Variants in FAM20A observed in about 807,000 individuals in gnomAD.
FAM20A encodes FAM20A golgi associated secretory pathway pseudokinase, also known as pseudokinase FAM20A.
A neutral mutation model predicts 52.0 loss-of-function variants in FAM20A; 42 were observed. The ratio of observed to expected loss-of-function variants is 0.81; its 90% CI spans 0.63 to 1.04. The LOEUF (loss-of-function observed/expected upper bound fraction) is 1.04. Among genes scored for constraint, FAM20A ranks in the 50% least tolerant of loss-of-function variants. The probability of loss-of-function intolerance (pLI) is 0.00; values close to 1 mark genes in which losing one functional copy is unlikely to be tolerated. For synonymous variants in FAM20A, 304 were observed against 298.9 expected (o/e 1.02, Z -0.18); for missense variants, 742 against 712.7 (o/e 1.04, Z -0.47).
chr17:68,596,057 C>G (rs916465229), intron 1 of FAM20A, among the ~76,000 whole-genome samples: 1 of 152,186 alleles, frequency 6.6e-6, no homozygotes, highest in Admixed American at 6.5e-5. Context: ...CCAACTTACT[C>G]CCTTTGACCA....
rs1280135042 is a variant in FAM20A, at chr17:68,537,733, T to C, written c.1370A>G (p.Lys457Arg). The change falls in exon 11 of 11, where the codon AAG becomes AGG. Residue 457 changes from lysine (K) to arginine (R), a missense_variant. By Grantham distance (26) the Lys-to-Arg change is conservative. Coordinates refer to ENST00000592554, the MANE Select transcript of FAM20A (RefSeq NM_017565.4). This position sits in a 1 kb window ranked among gnomAD's most constrained non-coding sequence, Gnocchi z 4.2. Reference sequence around the variant, plus strand: ...CAGCTGCAGGTGCAAAAGTGTTTTCTTTTTTATCCTGAAAAGACAAAGTTA... The same window carrying C: ...CAGCTGCAGGTGCAAAAGTGTTTTCCTTTTTATCCTGAAAAGACAAAGTTA... The part of the protein sequence containing the change: ...SPLSQCCMIK[K>R]KTLLHLQLLA... The C allele has an allele frequency of 1.9e-6, 3 of 1,610,992 alleles. No individual in the cohort carries two copies. The highest frequency in any genetic ancestry group is 1.7e-4 in the Middle Eastern group (1 of 6,058).
intron 7 of FAM20A, chr17:68,541,769 C>T (rs962801264): frequency 1.9e-6 from 1 of 534,278 alleles, no homozygotes. Flanking sequence ...CCCATAACAC[C>T]TAGTGTTGGG....
At chr17:68,548,529 CA>C (rs985971024) in intron 4 of FAM20A, among the ~76,000 whole-genome samples, 55 of 140,348 alleles carry the variant, frequency 3.9e-4, no homozygotes, top group African/African-American at 7.1e-4. Context: ...GACTCTGTCT[CA>C]AAAAAAAAAA....
At chr17:68,574,508 C>T (rs906969723) in intron 1 of FAM20A, among the ~76,000 whole-genome samples, 9 of 152,196 alleles carry the variant, frequency 5.9e-5, no homozygotes, top group African/African-American at 2.2e-4. Context: ...CTTAAGGACC[C>T]CACTTCTCAA....
chr17:68,583,131 A>G (rs1598072249), intron 1 of FAM20A, among the ~76,000 whole-genome samples: 1 of 152,098 alleles, frequency 6.6e-6, no homozygotes, highest in East Asian at 1.9e-4. Context: ...TCTCTTAACC[A>G]TTCATTTACC....
chr17:68,545,718 A>G (rs1405414767), intron 4 of FAM20A, among the ~76,000 whole-genome samples: 2 of 152,240 alleles, frequency 1.3e-5, no homozygotes, highest in African/African-American at 4.8e-5. Flanking sequence ...ACTTCTGTCA[A>G]AATTGAAGTC....
In FAM20A at chr17:68,600,361, G is replaced by T. The variant is rs1430326707; in HGVS notation, c.306C>A (p.Asn102Lys). 9.4e-6 allele frequency: 15 copies of T among 1,602,680 alleles called. No homozygotes were observed. Among genetic ancestry groups the T allele is most frequent in the Non-Finnish European group, 1.3e-5 (15 of 1,175,812 alleles). The change falls in exon 1 of 11, where the codon AAC becomes AAA. Residue 102 changes from asparagine to lysine, a missense_variant. Asn to Lys is a moderately conservative substitution (Grantham distance 94, BLOSUM62 0). Coordinates refer to ENST00000592554, the MANE Select transcript of FAM20A (RefSeq NM_017565.4). The surrounding 1 kb of genome is among the most constrained non-coding windows in gnomAD (Gnocchi z 6.2). ...LQALFAHPLY[N>K]VPEEPPLLGA... ...CCAGGAGAGGCGGCTCCTCCGGGACGTTGTACAGCGGGTGGGCGAAGAGGG... is the reference window on the plus strand; with the variant it reads ...CCAGGAGAGGCGGCTCCTCCGGGACTTTGTACAGCGGGTGGGCGAAGAGGG...
intron 1 of FAM20A, chr17:68,575,025 G>C (rs991225730): frequency 6.6e-6 from 1 of 152,086 alleles, no homozygotes; most frequent in Non-Finnish European, 1.5e-5. Context: ...GTGGCCACTA[G>C]TCGATAGGTA....
intron 8 of FAM20A, among the ~76,000 whole-genome samples, chr17:68,540,213 C>T (rs1248263965): frequency 2.0e-5 from 3 of 152,202 alleles, no homozygotes; most frequent in Admixed American, 6.5e-5. Flanking sequence ...CTGCCCCTGC[C>T]CCTACTCCAG....
At chr17:68,540,585 C>G (rs2086241730) in intron 8 of FAM20A, 1 of 565,392 alleles carries the variant, frequency 1.8e-6, no homozygotes, top group Non-Finnish European at 3.3e-6. Flanking sequence ...CATACAGCTT[C>G]CAATCTGACG....
At chr17:68,543,084 A>G (rs1226046806) in intron 5 of FAM20A, among the ~76,000 whole-genome samples, 1 of 152,160 alleles carries the variant, frequency 6.6e-6, no homozygotes, top group Non-Finnish European at 1.5e-5. Flanking sequence ...GTTCTTGGTC[A>G]GTGCTTCTCA....
At chr17:68,582,005 T>TGTGGGTGAAGTGGTCA (rs2088018900) in intron 1 of FAM20A, among the ~76,000 whole-genome samples, 1 of 152,174 alleles carries the variant, frequency 6.6e-6, no homozygotes, top group Non-Finnish European at 1.5e-5. Context: ...GTCAGCACTG[T>TGTGGGTGAAGTGGTCA]GCTTAACATA....
chr17:68,553,162 C>T lies in FAM20A; in HGVS notation c.641-1211G>A, dbSNP rs2086921395. Reference sequence around the variant, plus strand: ...TGCCGTTCTTGTGATAGTGAGTTCTCACGAGATCTCATGGTTTTATAAGGG... The same window carrying T: ...TGCCGTTCTTGTGATAGTGAGTTCTTACGAGATCTCATGGTTTTATAAGGG... On this transcript the variant is annotated intron_variant, in intron 3 of 10. Coordinates refer to ENST00000592554, the MANE Select transcript of FAM20A (RefSeq NM_017565.4). Among the ~76,000 whole-genome samples, 3 of 152,188 alleles carry T rather than the reference C, an allele frequency of 2.0e-5. No homozygotes were observed. The South Asian group carries it at 6.2e-4, about 32-fold the overall frequency.
intron 4 of FAM20A, among the ~76,000 whole-genome samples, chr17:68,548,725 AT>A (rs753348891): frequency 0.052 from 4,089 of 79,122 alleles, 76 homozygotes; most frequent in Admixed American, 0.12. Flanking sequence ...ATGCCTGTAT[AT>A]TTTTTTTTTT....
At chr17:68,547,831 TTTC>T (rs2086639057) in intron 4 of FAM20A, among the ~76,000 whole-genome samples, 2 of 152,348 alleles carry the variant, frequency 1.3e-5, no homozygotes, top group South Asian at 4.1e-4. Flanking sequence ...TTCAAGAACT[TTTC>T]CTTTGCATTC....
In FAM20A at chr17:68,601,285, G is replaced by C. The variant is rs2088616409; in HGVS notation, c.-619C>G. The C allele has an allele frequency of 6.6e-6, 1 of 152,302 alleles. No homozygotes were observed. The highest frequency in any genetic ancestry group is 2.4e-5 in the African/African-American group (1 of 41,440). The allele number at this position is 152,302 out of a possible 1,614,324, so 9.4% of individuals were successfully genotyped here. A position where few individuals can be genotyped will look rare whatever the true frequency, so the allele number is the denominator to read the frequency against. On this transcript the variant is annotated 5_prime_UTR_variant, in exon 1 of 11. Coordinates refer to ENST00000592554, the MANE Select transcript of FAM20A (RefSeq NM_017565.4). ...GACTCCTAGAGGCAGAGGTAGCGCG[G>C]GGCCTCCCCGAGCCTGGCCTGGCGC...
intron 4 of FAM20A, among the ~76,000 whole-genome samples, chr17:68,544,959 C>T (rs2086480128): frequency 1.3e-5 from 2 of 152,178 alleles, no homozygotes; most frequent in African/African-American, 4.8e-5. Context: ...CTTTGAGAAG[C>T]ACTAATGCAC....
intron 4 of FAM20A, 25 bp from the exon 5 acceptor site, chr17:68,543,746 C>T (rs2086419136): frequency 6.3e-7 from 1 of 1,595,936 alleles, no homozygotes; most frequent in Admixed American, 1.7e-5. Flanking sequence ...GGAATCACGC[C>T]CTGGACTCAG....
intron 4 of FAM20A, among the ~76,000 whole-genome samples, chr17:68,546,284 T>C (rs1031753673): frequency 1.3e-5 from 2 of 151,996 alleles, no homozygotes; most frequent in African/African-American, 4.8e-5. Flanking sequence ...AGTTCTCTTT[T>C]ATTTCCACAT....
Sources: allele counts gnomAD v4.1 joint callset (sites outside exome capture counted in the v4.1 genomes callset), GRCh38; gene constraint gnomAD v4.1.1; non-coding constraint Gnocchi (gnomAD v3.1); transcripts MANE v1.5; gene names NCBI Gene and HGNC (gene_info 2026-07-23, HGNC 2026-07-21).